PCDHGB1: variants seen among roughly 807,000 people sequenced by gnomAD.
PCDHGB1 encodes protocadherin gamma-B1.
Under a neutral mutation model 56.6 loss-of-function variants are expected in PCDHGB1, and 34 were observed. The observed-to-expected ratio is 0.60, with a 90% CI of 0.46 to 0.80. The LOEUF (loss-of-function observed/expected upper bound fraction) is 0.80, where lower values mean the gene tolerates loss of function less well. PCDHGB1 is among the 30% of genes least tolerant of loss of function. PCDHGB1 has a pLI of 0.00. For synonymous variants in PCDHGB1, 561 were observed against 505.9 expected (o/e 1.11, Z -1.46); for missense variants, 1,278 against 1,204.6 (o/e 1.06, Z -0.90).
chr5:141,472,164 G>C (rs2099273083), intron 1 of PCDHGB1, among the ~76,000 whole-genome samples: 1 of 152,158 alleles, frequency 6.6e-6, no homozygotes, highest in Non-Finnish European at 1.5e-5. Flanking sequence ...TAGCTACTAG[G>C]TGTAATATCC....
At chr5:141,406,173 T>C (rs1317526026) in intron 1 of PCDHGB1, among the ~76,000 whole-genome samples, 2 of 151,712 alleles carry the variant, frequency 1.3e-5, no homozygotes, top group African/African-American at 4.8e-5. Context: ...CCTGGGCTTA[T>C]GCAATCCTCC....
chr5:141,374,215 C>T (rs770866531), intron 1 of PCDHGB1: 4 of 1,613,958 alleles, frequency 2.5e-6, no homozygotes, highest in South Asian at 1.1e-5. Flanking sequence ...AAGGCTCCTT[C>T]GTAGGCAACA....
chr5:141,384,576 G>A (rs757254740), intron 1 of PCDHGB1: 18 of 1,614,060 alleles, frequency 1.1e-5, no homozygotes, highest in South Asian at 7.7e-5. Context: ...ATGACAACCC[G>A]CCCGAGATCC....
intron 1 of PCDHGB1, chr5:141,442,416 T>A (rs2098323395): frequency 6.6e-6 from 1 of 152,206 alleles, no homozygotes; most frequent in Non-Finnish European, 1.5e-5. Flanking sequence ...CTGAGTGAAC[T>A]TCTTTTTTGA....
chr5:141,388,402 G>C, intron 1 of PCDHGB1: 1 of 1,613,972 alleles, frequency 6.2e-7, no homozygotes, highest in Non-Finnish European at 8.5e-7. Context: ...TACCAACTCA[G>C]TCCCAGTGAT....
chr5:141,482,591 A>G lies in PCDHGB1; in HGVS notation c.2410-12216A>G, dbSNP rs115650612. Among the ~76,000 whole-genome samples the G allele has an allele frequency of 6.3e-4, 95 of 151,838 alleles. 1 individual carries two copies. The highest frequency in any genetic ancestry group is 2.3e-3 in the African/African-American group (95 of 41,350). On this transcript the variant is annotated intron_variant, in intron 1 of 3. Coordinates refer to ENST00000523390, the MANE Select transcript of PCDHGB1 (RefSeq NM_018922.3). ...ATAGCATAAGATGCAGTGGGACCAA[A>G]CGGGAAAAAACACCTAAATGAGCCT...
intron 1 of PCDHGB1, chr5:141,399,976 C>A (rs759278103): frequency 1.2e-6 from 2 of 1,612,122 alleles, no homozygotes; most frequent in African/African-American, 2.7e-5. Context: ...CAGCCTGGGG[C>A]TGCGCACAGG....
Position 141,476,758 on chromosome 5 carries a change from G to A in PCDHGB1, c.2410-18049G>A. On this transcript the variant is annotated intron_variant, in intron 1 of 3. Transcript: ENST00000523390. The surrounding 1 kb of genome is among the most constrained non-coding windows in gnomAD (Gnocchi z 7.6). Reference sequence around the variant, plus strand: ...GGGAGCCTAGTCTCCAGTTAGTGCTGACGGCGTTGGACGGAGGGACCCCAG... The same window carrying A: ...GGGAGCCTAGTCTCCAGTTAGTGCTAACGGCGTTGGACGGAGGGACCCCAG... 1 of 1,613,868 alleles carries A rather than the reference G, an allele frequency of 6.2e-7. No homozygotes were observed. The highest frequency in any genetic ancestry group is 1.1e-5 in the South Asian group (1 of 91,086).
intron 1 of PCDHGB1, chr5:141,390,565 G>T: frequency 4.8e-6 from 2 of 420,818 alleles, no homozygotes. Context: ...ACAGTTGTTG[G>T]CTCTCTCCTA....
chr5:141,403,649 T>A, intron 1 of PCDHGB1: 7 of 1,613,874 alleles, frequency 4.3e-6, no homozygotes, highest in Non-Finnish European at 5.9e-6. Flanking sequence ...TGTGACAGTG[T>A]TGGATACAAA....
chr5:141,423,525 G>A (rs1014975146), intron 1 of PCDHGB1: 8 of 1,613,710 alleles, frequency 5.0e-6, no homozygotes, highest in African/African-American at 2.7e-5. Context: ...ACTCGCAGAA[G>A]AGTCACCTGA....
intron 1 of PCDHGB1, chr5:141,382,631 T>G: frequency 2.7e-6 from 1 of 365,186 alleles, no homozygotes; most frequent in South Asian, 9.0e-5. Flanking sequence ...TGTGCATCAA[T>G]GTGGTGCAGT....
chr5:141,489,380 A>T lies in PCDHGB1; in HGVS notation c.2410-5427A>T, dbSNP rs753226956. 1 of 1,613,874 alleles carries T rather than the reference A, an allele frequency of 6.2e-7. No homozygotes were observed. The highest frequency in any genetic ancestry group is 2.2e-5 in the East Asian group (1 of 44,872). On this transcript the variant is annotated intron_variant, in intron 1 of 3. Transcript: ENST00000523390. The surrounding 1 kb of genome is among the most constrained non-coding windows in gnomAD (Gnocchi z 4.5). ...TCTGAGCCGGGGACGCTGGTGGGGA[A>T]TGTTGCTCAGGATCTGGGCTTAAAG... is the stretch of plus-strand genomic sequence containing the variant.
rs1373988780 is a variant in PCDHGB1, at chr5:141,404,040, G to A, written c.2409+51371G>A. 1.9e-5 allele frequency: 30 copies of A among 1,613,694 alleles called. No homozygotes were observed. The highest frequency in any genetic ancestry group is 2.3e-5 in the Non-Finnish European group (27 of 1,179,836). On this transcript the variant is annotated intron_variant, in intron 1 of 3. Transcript: ENST00000523390. Reference sequence around the variant, plus strand: ...CCAGTGAGAGAAGACGCACCTCAGGGAACAGTAATTCTTCTTTTCAATGCT... The same window carrying A: ...CCAGTGAGAGAAGACGCACCTCAGGAAACAGTAATTCTTCTTTTCAATGCT...
intron 1 of PCDHGB1, chr5:141,418,830 G>A (rs371820904): frequency 1.2e-6 from 2 of 1,613,976 alleles, no homozygotes; most frequent in Non-Finnish European, 1.7e-6. Flanking sequence ...GCAAAAGACC[G>A]AGGATCTCTC....
chr5:141,433,106 G>C, intron 1 of PCDHGB1: 1 of 1,614,170 alleles, frequency 6.2e-7, no homozygotes, highest in Non-Finnish European at 8.5e-7. Flanking sequence ...CGTCAGCCAG[G>C]AGAGCTTTGA....
chr5:141,375,376 T>C (rs369693089), intron 1 of PCDHGB1: 1 of 1,613,930 alleles, frequency 6.2e-7, no homozygotes, highest in Non-Finnish European at 8.5e-7. Flanking sequence ...GAACACCACC[T>C]CTGTCTACAG....
At position 141,374,696 on chromosome 5, in the gene PCDHGB1, G is replaced by A. The variant is rs747520978; in HGVS notation, c.2409+22027G>A. 5 of 1,609,314 alleles carry A rather than the reference G, an allele frequency of 3.1e-6. No homozygotes were observed. In the African/African-American group the frequency reaches 6.7e-5, roughly 21 times the overall value. ...GGAGGGCACACTGGACCGGGAAGGA[G>A]AAGCCGTTTACCGCCTGGTCCTTAC... On this transcript the variant is annotated intron_variant, in intron 1 of 3. Coordinates refer to ENST00000523390, the MANE Select transcript of PCDHGB1 (RefSeq NM_018922.3).
intron 1 of PCDHGB1, among the ~76,000 whole-genome samples, chr5:141,474,085 AAAAC>A (rs937548165): frequency 1.3e-5 from 2 of 152,188 alleles, no homozygotes; most frequent in African/African-American, 4.8e-5. Flanking sequence ...CAAAAACCAA[AAAAC>A]AAACAACAAC....
Sources: gnomAD v4.1 joint callset for allele counts (sites outside exome capture counted in the v4.1 genomes callset) on GRCh38, gnomAD v4.1.1 for gene constraint, Gnocchi (gnomAD v3.1) non-coding constraint, MANE v1.5 for transcripts, NCBI Gene and HGNC (gene_info 2026-07-23, HGNC 2026-07-21) for gene names.